Variants in SLC4A7 observed in about 807,000 individuals in gnomAD.
SLC4A7 encodes sodium bicarbonate cotransporter 3.
Under a neutral mutation model 137.6 loss-of-function variants are expected in SLC4A7, and 51 were observed. The observed-to-expected ratio is 0.37, with a 90% CI of 0.30 to 0.47. The LOEUF is 0.47. Ranked by LOEUF, SLC4A7 falls within the 20% of genes least tolerant of loss-of-function variation. SLC4A7 has a pLI of 1.00. For synonymous variants in SLC4A7, 542 were observed against 518.6 expected (o/e 1.05, Z -0.61); for missense variants, 1,247 against 1,525.4 (o/e 0.82, Z 3.04).
chr3:27,471,528 A>G (rs1237826012), intron 1 of SLC4A7, among the ~76,000 whole-genome samples: 1 of 152,084 alleles, frequency 6.6e-6, no homozygotes, highest in Non-Finnish European at 1.5e-5. Flanking sequence ...ATGCACCACC[A>G]CACCTGGCTA....
intron 1 of SLC4A7, among the ~76,000 whole-genome samples, chr3:27,482,693 A>T (rs997443798): frequency 3.2e-4 from 48 of 152,206 alleles, no homozygotes; most frequent in African/African-American, 1.1e-3. Context: ...AATCGGTTGA[A>T]CCTGGGAGGA....
intron 1 of SLC4A7, chr3:27,457,017 T>C: frequency 3.0e-6 from 2 of 662,608 alleles, no homozygotes; most frequent in South Asian, 6.8e-5. Context: ...TAAGAATATA[T>C]GTGGATGGAT....
At chr3:27,438,623 T>A in intron 3 of SLC4A7, among the ~76,000 whole-genome samples, 1 of 146,244 alleles carries the variant, frequency 6.8e-6, no homozygotes, top group African/African-American at 2.5e-5. Flanking sequence ...AATAACAAAA[T>A]AACATAACAT....
Position 27,373,043 on chromosome 3 carries a change from T to C in SLC4A7, c.*3721A>G, listed in dbSNP as rs2049663822. 1 of 148,366 alleles carries C rather than the reference T, an allele frequency of 6.7e-6. No individual in the cohort carries two copies. The highest frequency in any genetic ancestry group is 2.5e-5 in the African/African-American group (1 of 39,968). The allele number at this position is 148,366 out of a possible 1,614,324, so 9.2% of individuals were successfully genotyped here. ...TTATTTATTTAAACGTAGTTAAACA[T>C]TGGAAGACAATCTCCCCCATGGGGA... is the stretch of plus-strand genomic sequence containing the variant. On this transcript the variant is annotated 3_prime_UTR_variant, in exon 26 of 26. Coordinates refer to ENST00000454389, the MANE Select transcript of SLC4A7 (RefSeq NM_001321103.2).
chr3:27,399,621 G>A (rs891547333), intron 16 of SLC4A7, among the ~76,000 whole-genome samples: 4 of 150,140 alleles, frequency 2.7e-5, no homozygotes, highest in Admixed American at 6.6e-5. Context: ...TTGTAGAGAT[G>A]GTGCCTTGCT....
chr3:27,411,547 C>A lies in SLC4A7; in HGVS notation c.1766+95G>T, dbSNP rs1049524112. ...TTTATACATATGAAAAAATACTGTA[C>A]AAGATTAGGTTCCAAACACTTGGAA... is the stretch of plus-strand genomic sequence containing the variant. On this transcript the variant is annotated intron_variant, in intron 12 of 25. Transcript: ENST00000454389. 9 of 519,376 alleles carry A rather than the reference C, an allele frequency of 1.7e-5. No homozygotes were observed. The East Asian group carries it at 2.6e-4, about 15-fold the overall frequency. 32.2% of individuals were successfully genotyped at this position (519,376 alleles called of 1,614,324 possible).
Position 27,416,454 on chromosome 3 carries a change from T to G in SLC4A7, c.1659+2032A>C. ...AAATTTTAGCTTTTTAGAATAGATT[T>G]GTATATATCTTATGGTAATAAATTA... is the stretch of plus-strand genomic sequence containing the variant. On this transcript the variant is annotated intron_variant, in intron 11 of 25. Transcript: ENST00000454389. Among the ~76,000 whole-genome samples the G allele has an allele frequency of 1.3e-5, 2 of 152,322 alleles. 1 individual carries two copies. Among genetic ancestry groups the G allele is most frequent in the African/African-American group, 4.8e-5 (2 of 41,584 alleles).
chr3:27,385,902 T>A lies in SLC4A7; in HGVS notation c.3482A>T (p.Lys1161Ile). The A allele has an allele frequency of 6.4e-7, 1 of 1,554,724 alleles. No individual in the cohort carries two copies. Among genetic ancestry groups the A allele is most frequent in the Non-Finnish European group, 8.8e-7 (1 of 1,135,494 alleles). Reference protein sequence around the residue: ...KKKKEDDKKKKEKEEAERMLQ... With the variant: ...KKKKEDDKKKIEKEEAERMLQ... ...TTGTTATCTTTTTACCTCTTTCTCTTTTTTCTTTTTGTCATCTTCTTTCTT... is the reference window on the plus strand; with the variant it reads ...TTGTTATCTTTTTACCTCTTTCTCTATTTTCTTTTTGTCATCTTCTTTCTT... Residue 1161 changes from lysine to isoleucine, a missense_variant, in exon 23 of 26, where the codon AAA (lysine) becomes ATA (isoleucine). Transcript: ENST00000454389.
At chr3:27,401,940 T>C (rs979017116) in intron 15 of SLC4A7, among the ~76,000 whole-genome samples, 1 of 152,198 alleles carries the variant, frequency 6.6e-6, no homozygotes, top group Non-Finnish European at 1.5e-5. Flanking sequence ...GGCATCATAG[T>C]GTCACTAGTA....
chr3:27,418,155 G>A (rs2054576426), intron 11 of SLC4A7, among the ~76,000 whole-genome samples: 1 of 152,014 alleles, frequency 6.6e-6, no homozygotes, highest in Non-Finnish European at 1.5e-5. Flanking sequence ...AGAGAATAAG[G>A]AATATTTTCA....
At chr3:27,445,676 G>A (rs977760552) in intron 3 of SLC4A7, among the ~76,000 whole-genome samples, 1 of 150,304 alleles carries the variant, frequency 6.7e-6, no homozygotes, top group African/African-American at 2.5e-5. Context: ...CCAGTACTTT[G>A]GGAGGCTGAG....
intron 1 of SLC4A7, among the ~76,000 whole-genome samples, chr3:27,474,119 A>G (rs1478170072): frequency 2.0e-5 from 3 of 152,222 alleles, no homozygotes; most frequent in Non-Finnish European, 4.4e-5. Context: ...TGAAAGTCTA[A>G]CATTATCAAA....
chr3:27,405,039 A>G (rs1408589819), intron 13 of SLC4A7, 76 bp from the exon 14 acceptor site: 28 of 983,362 alleles, frequency 2.8e-5, no homozygotes, highest in Non-Finnish European at 3.9e-5. Context: ...TACATGTAAG[A>G]CATCTGGAAA....
intron 4 of SLC4A7, 36 bp from the exon 5 acceptor site, chr3:27,436,584 A>C (rs981571132): frequency 2.3e-6 from 3 of 1,300,194 alleles, no homozygotes; most frequent in Non-Finnish European, 3.2e-6. Context: ...TTTATAAGTA[A>C]TGAAGATTCC....
intron 11 of SLC4A7, among the ~76,000 whole-genome samples, chr3:27,416,035 C>G (rs2054350708): frequency 6.6e-6 from 1 of 152,152 alleles, no homozygotes; most frequent in African/African-American, 2.4e-5. Context: ...TGACTTTTCT[C>G]TTTTTCTTAG....
rs2052966797 is a variant in SLC4A7, at chr3:27,403,213, C to G, written c.2247G>C (p.Leu749Phe). The change falls in exon 15 of 26, where the codon TTG (leucine) becomes TTC (phenylalanine). Residue 749 changes from leucine (L) to phenylalanine (F), a missense_variant. Leu to Phe is a conservative substitution (Grantham distance 22, BLOSUM62 0). Coordinates refer to ENST00000454389, the MANE Select transcript of SLC4A7 (RefSeq NM_001321103.2). The part of the protein sequence containing the change: ...LICIIFIYEA[L>F]EKLFDLGETY... ...TTTCTCCTAAATCAAAGAGCTTCTC[C>G]AAAGCCTCGTAGATGAATATGATGC... is the stretch of plus-strand genomic sequence containing the variant. The G allele has an allele frequency of 5.0e-6, 8 of 1,613,750 alleles. No homozygotes were observed. The highest frequency in any genetic ancestry group is 1.3e-5 in the African/African-American group (1 of 74,902).
At chr3:27,482,874 A>C (rs2059774265) in intron 1 of SLC4A7, among the ~76,000 whole-genome samples, 1 of 152,206 alleles carries the variant, frequency 6.6e-6, no homozygotes, top group Non-Finnish European at 1.5e-5. Flanking sequence ...AAATGACTTC[A>C]CTGTCTGGTG....
intron 13 of SLC4A7, among the ~76,000 whole-genome samples, chr3:27,407,362 C>T (rs971948033): frequency 6.6e-6 from 1 of 151,816 alleles, no homozygotes; most frequent in African/African-American, 2.4e-5. Flanking sequence ...CCCCTGTAGT[C>T]CCAGCTACTC....
chr3:27,470,914 C>T (rs773153366), intron 1 of SLC4A7, among the ~76,000 whole-genome samples: 11 of 152,132 alleles, frequency 7.2e-5, no homozygotes, highest in Non-Finnish European at 1.6e-4. Flanking sequence ...TGCACTCCAG[C>T]CTAGTGACAG....
Sources: gnomAD v4.1 joint callset for allele counts (sites outside exome capture counted in the v4.1 genomes callset) on GRCh38, gnomAD v4.1.1 for gene constraint, MANE v1.5 for transcripts, NCBI Gene and HGNC (gene_info 2026-07-23, HGNC 2026-07-21) for gene names.